CPNE8: variants seen among roughly 807,000 people sequenced by gnomAD.
The protein encoded by CPNE8 is copine 8.
Under a neutral mutation model 81.5 loss-of-function variants are expected in CPNE8, and 45 were observed. The observed-to-expected ratio is 0.55, with a 90% CI of 0.44 to 0.71. The LOEUF is 0.71. CPNE8 is among the 30% of genes least tolerant of loss of function. The probability of loss-of-function intolerance (pLI) is 0.00; values close to 1 mark genes in which losing one functional copy is unlikely to be tolerated. For synonymous variants in CPNE8, 252 were observed against 226.3 expected (o/e 1.11, Z -1.02); for missense variants, 594 against 672.1 (o/e 0.88, Z 1.28).
intron 6 of CPNE8, among the ~76,000 whole-genome samples, chr12:38,812,847 C>A (rs1307692989): frequency 6.6e-6 from 1 of 152,182 alleles, no homozygotes; most frequent in Admixed American, 6.5e-5. Flanking sequence ...AAAGTCCTTA[C>A]CGGACACTGT....
At chr12:38,767,259 A>C (rs1941708608) in intron 8 of CPNE8, among the ~76,000 whole-genome samples, 1 of 152,056 alleles carries the variant, frequency 6.6e-6, no homozygotes, top group Admixed American at 6.6e-5. Flanking sequence ...ATTATTGGCA[A>C]AAAAAACCCA....
chr12:38,764,393 G>A (rs962669825), intron 8 of CPNE8, among the ~76,000 whole-genome samples: 2 of 151,744 alleles, frequency 1.3e-5, no homozygotes, highest in South Asian at 2.1e-4. Context: ...CGAGGCGGGC[G>A]GATCACGAGG....
intron 1 of CPNE8, among the ~76,000 whole-genome samples, chr12:38,904,819 ACAAAT>A (rs1344755857): frequency 6.6e-6 from 1 of 152,072 alleles, no homozygotes; most frequent in African/African-American, 2.4e-5. Flanking sequence ...GGGCCCGAAA[ACAAAT>A]CAAAACAAAA....
intron 1 of CPNE8, among the ~76,000 whole-genome samples, chr12:38,905,023 G>C (rs969207340): frequency 6.6e-6 from 1 of 152,152 alleles, no homozygotes; most frequent in East Asian, 1.9e-4. Flanking sequence ...GTTTGCACAC[G>C]CCTAGCAGAG....
At position 38,848,537 on chromosome 12, in the gene CPNE8, C is replaced by T. The variant is rs188870536; in HGVS notation, c.290+22G>A. The T allele has an allele frequency of 1.5e-4, 239 of 1,552,278 alleles. No homozygotes were observed. In the African/African-American group the frequency reaches 2.9e-3, roughly 19 times the overall value. On this transcript the variant is annotated intron_variant, in intron 4 of 19. Coordinates refer to ENST00000331366, the MANE Select transcript of CPNE8 (RefSeq NM_153634.3). ...GTCTTTAAAATCAAATTTTTCTAAA[C>T]GCAAGTTTTAGTAGAACTTACAAGT... is the stretch of plus-strand genomic sequence containing the variant.
At chr12:38,782,720 A>G (rs1446536495) in intron 6 of CPNE8, among the ~76,000 whole-genome samples, 1 of 151,616 alleles carries the variant, frequency 6.6e-6, no homozygotes, top group Non-Finnish European at 1.5e-5. Flanking sequence ...TCACTTTGTC[A>G]CCCAGTTTGG....
chr12:38,661,267 A>T (rs1591994835), intron 19 of CPNE8, among the ~76,000 whole-genome samples: 1 of 152,374 alleles, frequency 6.6e-6, no homozygotes, highest in African/African-American at 2.4e-5. Flanking sequence ...ACCATGGAAT[A>T]CTATGCAACC....
chr12:38,703,117 T>C (rs1157818591), intron 13 of CPNE8, among the ~76,000 whole-genome samples, 196 bp from the exon 14 acceptor site: 3 of 152,174 alleles, frequency 2.0e-5, no homozygotes, highest in Non-Finnish European at 4.4e-5. Flanking sequence ...ATATTTATAG[T>C]TACATATATT....
At chr12:38,677,718 A>T (rs1939322684) in intron 16 of CPNE8, among the ~76,000 whole-genome samples, 164 bp from the exon 17 acceptor site, 1 of 152,048 alleles carries the variant, frequency 6.6e-6, no homozygotes, top group Non-Finnish European at 1.5e-5. Context: ...TATCTGAAAT[A>T]ACACACTAGA....
chr12:38,756,940 A>G lies in CPNE8; in HGVS notation c.722+3907T>C, dbSNP rs181758949. Among the ~76,000 whole-genome samples the G allele has an allele frequency of 9.2e-5, 14 of 152,266 alleles. No homozygotes were observed. In the East Asian group the frequency reaches 2.7e-3, roughly 29 times the overall value. On this transcript the variant is annotated intron_variant, in intron 10 of 19. Coordinates refer to ENST00000331366, the MANE Select transcript of CPNE8 (RefSeq NM_153634.3). ...TAAAAAGTAAAAATCCTTCTTAGTAATTTTGTATTGATTCTATATTAAAAT... is the reference window on the plus strand; with the variant it reads ...TAAAAAGTAAAAATCCTTCTTAGTAGTTTTGTATTGATTCTATATTAAAAT...
intron 15 of CPNE8, among the ~76,000 whole-genome samples, chr12:38,690,113 A>G (rs1939640565): frequency 6.6e-6 from 1 of 152,126 alleles, no homozygotes; most frequent in Admixed American, 6.5e-5. Context: ...GCTATCCAAA[A>G]GAATTATGTG....
chr12:38,784,883 G>T (rs993913215), intron 6 of CPNE8, among the ~76,000 whole-genome samples: 3 of 152,098 alleles, frequency 2.0e-5, no homozygotes, highest in Non-Finnish European at 4.4e-5. Context: ...ATGCTAAAGA[G>T]AATATCTCAA....
At chr12:38,906,699 C>T (rs1486135476), upstream of CPNE8, 28 of 694,900 alleles carry the variant, frequency 4.0e-5, no homozygotes, top group Non-Finnish European at 5.0e-5. Context: ...CGGAGGTAGA[C>T]GAGGCGCCCC....
chr12:38,902,356 GAA>G lies in CPNE8; in HGVS notation c.98+3079_98+3080del, dbSNP rs748176112. Among the ~76,000 whole-genome samples the G allele has an allele frequency of 2.4e-4, 14 of 59,094 alleles. 2 individuals carry two copies. The highest frequency in any genetic ancestry group is 1.5e-3 in the African/African-American group (12 of 7,972). 38.8% of individuals were successfully genotyped at this position (59,094 alleles called of 152,430 possible). Reference sequence around the variant, plus strand: ...AGAAAGAAAGAAAGAAAGAAAGAAAGAAAGAAAGAAAGAAAGAAAGAAAGAAA... The same window carrying G: ...AGAAAGAAAGAAAGAAAGAAAGAAAGAGAAAGAAAGAAAGAAAGAAAGAAA... On this transcript the variant is annotated intron_variant, in intron 1 of 19. Transcript: ENST00000331366.
intron 15 of CPNE8, among the ~76,000 whole-genome samples, chr12:38,689,966 C>T (rs768621752): frequency 6.6e-6 from 1 of 152,096 alleles, no homozygotes; most frequent in African/African-American, 2.4e-5. Flanking sequence ...ATTCCTTTTC[C>T]TTTTCTCATA....
At chr12:38,787,780 G>A (rs1586373) in intron 6 of CPNE8, among the ~76,000 whole-genome samples, 49,748 of 151,258 alleles carry the variant, frequency 0.33, 9,810 homozygotes, top group Non-Finnish European at 0.44. Flanking sequence ...TGATACTGCA[G>A]AAATTCAAAG....
At chr12:38,692,031 C>T (rs1939687026) in intron 15 of CPNE8, among the ~76,000 whole-genome samples, 1 of 152,142 alleles carries the variant, frequency 6.6e-6, no homozygotes, top group African/African-American at 2.4e-5. Context: ...GTGGCTCACA[C>T]CTGCAGTCCC....
At chr12:38,810,767 CTA>C (rs993333748) in intron 6 of CPNE8, among the ~76,000 whole-genome samples, 9 of 151,974 alleles carry the variant, frequency 5.9e-5, no homozygotes, top group African/African-American at 2.2e-4. Context: ...GTCAAGTGGT[CTA>C]TGTTTTTATC....
chr12:38,737,862 C>A (rs1296975563), intron 10 of CPNE8, among the ~76,000 whole-genome samples: 1 of 151,960 alleles, frequency 6.6e-6, no homozygotes, highest in East Asian at 1.9e-4. Context: ...GTATACAACA[C>A]AAAACCCCCA....
Sources: allele counts gnomAD v4.1 joint callset (sites outside exome capture counted in the v4.1 genomes callset), GRCh38; gene constraint gnomAD v4.1.1; transcripts MANE v1.5; gene names NCBI Gene and HGNC (gene_info 2026-07-23, HGNC 2026-07-21).